CERS5: variants seen among roughly 807,000 people sequenced by gnomAD.
CERS5 encodes ceramide synthase 5.
In CERS5, 37 loss-of-function variants were observed where a neutral mutation model predicts 58.9. The ratio of observed to expected loss-of-function variants is 0.63; its 90% CI spans 0.48 to 0.83. The LOEUF (loss-of-function observed/expected upper bound fraction) is 0.83. Ranked by LOEUF, CERS5 falls within the 40% of genes least tolerant of loss-of-function variation. CERS5 has a pLI of 0.00. For missense variants in CERS5, 398 were observed against 489.3 expected, an observed-to-expected ratio of 0.81 and a Z score of 1.76; for synonymous variants, 147 against 177.8, an observed-to-expected ratio of 0.83 and a Z score of 1.38.
intron 3 of CERS5, among the ~76,000 whole-genome samples, 173 bp from the exon 4 acceptor site, chr12:50,142,283 G>A (rs1952011921): frequency 6.6e-6 from 1 of 151,958 alleles, no homozygotes; most frequent in South Asian, 2.1e-4. Flanking sequence ...GGCCAGGAGT[G>A]GTGGCTCACA....
At position 50,148,946 on chromosome 12, in the gene CERS5, ATG is replaced by A. The variant is rs1185465965; in HGVS notation, c.198-4891_198-4890del. Among the ~76,000 whole-genome samples the A allele has an allele frequency of 1.6e-3, 170 of 103,098 alleles. 2 individuals are homozygous for A. The highest frequency in any genetic ancestry group is 1.9e-3 in the Non-Finnish European group (98 of 51,320). 67.6% of individuals were successfully genotyped at this position (103,098 alleles called of 152,430 possible). On this transcript the variant is annotated intron_variant, in intron 1 of 9. Transcript: ENST00000317551. ...AAAAAAAATATATATATATATATAT[ATG>A]TGTGTGTGTGTGTGTGTGTGTGCGT...
chr12:50,161,869 C>CTTTTTTTTTTTTTTTT (rs765766688), intron 1 of CERS5, among the ~76,000 whole-genome samples: 1 of 67,306 alleles, frequency 1.5e-5, no homozygotes, highest in Non-Finnish European at 2.5e-5. Context: ...TGTTCTTCTT[C>CTTTTTTTTTTTTTTTT]TTTTTTTTTT....
At chr12:50,160,410 C>G (rs768895558) in intron 1 of CERS5, among the ~76,000 whole-genome samples, 1 of 151,848 alleles carries the variant, frequency 6.6e-6, no homozygotes, top group African/African-American at 2.4e-5. Flanking sequence ...GACAGGCCAG[C>G]GAATGAGTCT....
chr12:50,136,430 G>A (rs917387355), intron 6 of CERS5, among the ~76,000 whole-genome samples: 3 of 150,964 alleles, frequency 2.0e-5, no homozygotes, highest in Non-Finnish European at 2.9e-5. Flanking sequence ...CTGAGATCGC[G>A]CCACTGCACT....
chr12:50,136,170 C>T (rs1951688404), intron 6 of CERS5, 101 bp from the exon 7 acceptor site: 1 of 1,123,868 alleles, frequency 8.9e-7, no homozygotes, highest in African/African-American at 1.6e-5. Context: ...TTACCCCACC[C>T]CATATAGAAT....
At chr12:50,137,025 T>G (rs2138041573) in intron 6 of CERS5, among the ~76,000 whole-genome samples, 1 of 152,294 alleles carries the variant, frequency 6.6e-6, no homozygotes, top group African/African-American at 2.4e-5. Context: ...ACTAACAACC[T>G]GGGTAAGTTT....
chr12:50,154,718 C>T (rs536210322), intron 1 of CERS5, among the ~76,000 whole-genome samples: 42 of 152,002 alleles, frequency 2.8e-4, no homozygotes, highest in African/African-American at 9.9e-4. Context: ...TTGTGGAGAA[C>T]GAGGTCTTGC....
chr12:50,147,510 A>G (rs1952358437), intron 1 of CERS5: 1 of 151,684 alleles, frequency 6.6e-6, no homozygotes, highest in African/African-American at 2.4e-5. Context: ...TGGTTTAGAG[A>G]CCCCTGGGGG....
intron 9 of CERS5, chr12:50,133,616 A>G: frequency 1.0e-6 from 1 of 985,502 alleles, no homozygotes; most frequent in Non-Finnish European, 1.2e-6. Flanking sequence ...CCCATGTCAA[A>G]AAGAAAAATA....
At chr12:50,131,214 GT>G (rs1951298556) in intron 9 of CERS5, among the ~76,000 whole-genome samples, 1 of 152,110 alleles carries the variant, frequency 6.6e-6, no homozygotes, top group African/African-American at 2.4e-5. Flanking sequence ...CTATGACACT[GT>G]TTTCCAATCT....
chr12:50,158,116 T>C (rs1391881643), intron 1 of CERS5, among the ~76,000 whole-genome samples: 3 of 150,006 alleles, frequency 2.0e-5, no homozygotes, highest in Admixed American at 6.7e-5. Flanking sequence ...AAGGAATGCA[T>C]GTAGATTGTA....
rs1951530818 is a variant in CERS5 at position 50,134,633 on chromosome 12, A to G, written c.942T>C (p.Asn314=). The part of the protein sequence containing the change: ...IGPYASWWLL[N]GLLLTLQLLH... Reference sequence around the variant, plus strand: ...GAAGCTGTAGGGTCAGCAGCAGGCCATTGAGGAGCCACCATGAAGCATAAG... The same window carrying G: ...GAAGCTGTAGGGTCAGCAGCAGGCCGTTGAGGAGCCACCATGAAGCATAAG... The change falls in exon 9 of 10, where the codon AAT becomes AAC. Residue 314 remains asparagine (N), a synonymous_variant. Coordinates refer to ENST00000317551, the MANE Select transcript of CERS5 (RefSeq NM_147190.5). 6.2e-7 allele frequency: 1 copy of G among 1,614,174 alleles called. No homozygotes were observed. Among genetic ancestry groups the G allele is most frequent in the African/African-American group, 1.3e-5 (1 of 75,038 alleles).
chr12:50,142,251 C>T, intron 3 of CERS5, 141 bp from the exon 4 acceptor site: 1 of 621,258 alleles, frequency 1.6e-6, no homozygotes, highest in Non-Finnish European at 2.8e-6. Context: ...CAACTACTGT[C>T]ATTTAAAAAG....
intron 9 of CERS5, chr12:50,133,219 T>C: frequency 8.7e-7 from 1 of 1,153,844 alleles, no homozygotes; most frequent in Non-Finnish European, 1.1e-6. Context: ...CACTTGGTCC[T>C]AGTATCAGTA....
At chr12:50,152,393 G>A (rs747035947) in intron 1 of CERS5, among the ~76,000 whole-genome samples, 2 of 152,196 alleles carry the variant, frequency 1.3e-5, no homozygotes, top group Non-Finnish European at 2.9e-5. Flanking sequence ...TGTCCTTGAT[G>A]AAGCACTACA....
intron 1 of CERS5, among the ~76,000 whole-genome samples, chr12:50,146,311 A>G (rs566540732): frequency 5.3e-5 from 8 of 152,360 alleles, no homozygotes; most frequent in Non-Finnish European, 1.0e-4. Context: ...TTATTTCACT[A>G]GAAACATATT....
At chr12:50,134,801 C>A in intron 8 of CERS5, 99 bp from the exon 9 acceptor site, 1 of 1,133,442 alleles carries the variant, frequency 8.8e-7, no homozygotes, top group South Asian at 1.5e-5. Flanking sequence ...TGTTTTCCTA[C>A]CAGCCCTTTT....
chr12:50,143,523 G>A (rs1952093798), intron 2 of CERS5: 3 of 289,924 alleles, frequency 1.0e-5, no homozygotes, highest in Admixed American at 9.5e-5. Flanking sequence ...AGGGCCGAAG[G>A]ATGGCTTGAG....
chr12:50,136,921 T>C (rs1951725189), intron 6 of CERS5, among the ~76,000 whole-genome samples: 1 of 152,218 alleles, frequency 6.6e-6, no homozygotes, highest in Non-Finnish European at 1.5e-5. Flanking sequence ...TGTATCACAA[T>C]TAAAATAAAA....
Sources: gnomAD v4.1 joint callset for allele counts (sites outside exome capture counted in the v4.1 genomes callset) on GRCh38, gnomAD v4.1.1 for gene constraint, MANE v1.5 for transcripts, NCBI Gene and HGNC (gene_info 2026-07-23, HGNC 2026-07-21) for gene names.